The following ITPR1 variants were observed in gnomAD, a reference collection of about 807,000 sequenced individuals.
The protein encoded by ITPR1 is inositol 1,4,5-trisphosphate-gated calcium channel ITPR1.
ITPR1 carries 96 observed loss-of-function variants against 318.4 expected under a neutral mutation model. The ratio of observed to expected loss-of-function variants is 0.30; its 90% CI spans 0.26 to 0.36. The LOEUF (loss-of-function observed/expected upper bound fraction) is 0.36. ITPR1 is among the 10% of genes least tolerant of loss of function. ITPR1 has a pLI of 1.00. For missense variants in ITPR1, 2,440 were observed against 3,460.2 expected, an observed-to-expected ratio of 0.71 and a Z score of 7.40; for synonymous variants, 1,312 against 1,289.9, an observed-to-expected ratio of 1.02 and a Z score of -0.37.
intron 50 of ITPR1, among the ~76,000 whole-genome samples, chr3:4,783,454 A>G (rs2046965306): frequency 6.6e-6 from 1 of 152,036 alleles, no homozygotes; most frequent in Admixed American, 6.6e-5. Context: ...AGAATTTCAA[A>G]CAGTCTCCTG....
chr3:4,777,697 G>A (rs1256191029), intron 48 of ITPR1, among the ~76,000 whole-genome samples: 2 of 151,888 alleles, frequency 1.3e-5, no homozygotes, highest in Non-Finnish European at 2.9e-5. Flanking sequence ...GAGAAACAGT[G>A]GAAACGCCAT....
At position 4,521,107 on chromosome 3, in the gene ITPR1, C is replaced by T. The variant is rs530398155; in HGVS notation, c.163+13C>T. 1.4e-5 allele frequency: 23 copies of T among 1,602,154 alleles called. No homozygotes were observed. Among genetic ancestry groups the T allele is most frequent in the East Asian group, 6.7e-5 (3 of 44,800 alleles). On this transcript the variant is annotated intron_variant, in intron 4 of 61. Transcript: ENST00000649015. ...AAGAAATTCAGAGGTAAGGTGGTGG[C>T]TTTCCTGGAGTAGTCACCTTGACTC... is the stretch of plus-strand genomic sequence containing the variant.
At chr3:4,841,858 T>A (rs1325172593) in intron 61 of ITPR1, among the ~76,000 whole-genome samples, 1 of 152,222 alleles carries the variant, frequency 6.6e-6, no homozygotes, top group Non-Finnish European at 1.5e-5. Context: ...TAAATCAACA[T>A]ATTTGTATTC....
intron 4 of ITPR1, among the ~76,000 whole-genome samples, chr3:4,614,261 A>C (rs1004533985): frequency 6.6e-6 from 1 of 152,192 alleles, no homozygotes; most frequent in East Asian, 1.9e-4. Context: ...ACAAGACCTT[A>C]TCTTAAAAAA....
chr3:4,750,974 A>G (rs1035227408), intron 44 of ITPR1: 12 of 152,922 alleles, frequency 7.8e-5, no homozygotes, highest in African/African-American at 2.4e-4. Context: ...GACCTATCCT[A>G]GGAGTCTTCC....
At chr3:4,643,761 T>C (rs1480390251) in intron 7 of ITPR1, among the ~76,000 whole-genome samples, 1 of 152,168 alleles carries the variant, frequency 6.6e-6, no homozygotes, top group African/African-American at 2.4e-5. Flanking sequence ...AAACATAAAG[T>C]TATGGCTTTG....
chr3:4,762,211 C>T (rs546303323), intron 44 of ITPR1, among the ~76,000 whole-genome samples: 1 of 152,226 alleles, frequency 6.6e-6, no homozygotes, highest in African/African-American at 2.4e-5. Flanking sequence ...ACTATGTTGC[C>T]CAGGTAGGCC....
At chr3:4,511,209 C>G (rs903464908) in intron 2 of ITPR1, among the ~76,000 whole-genome samples, 2 of 152,218 alleles carry the variant, frequency 1.3e-5, no homozygotes, top group East Asian at 3.8e-4. Context: ...CGCTGAAGAG[C>G]AGCTCTGGCT....
intron 4 of ITPR1, among the ~76,000 whole-genome samples, chr3:4,611,561 A>AAAATAAAT (rs372628182): frequency 0.013 from 1,826 of 142,540 alleles, 33 homozygotes; most frequent in Admixed American, 0.052. Context: ...CTCTCTCTCA[A>AAAATAAAT]AAATAAATAA....
chr3:4,711,690 G>T (rs2041383683), intron 38 of ITPR1, 67 bp from the exon 39 acceptor site: 12 of 828,540 alleles, frequency 1.4e-5, no homozygotes, highest in Middle Eastern at 2.2e-4. Context: ...AAAATAAATT[G>T]CTTGTGAAGT....
intron 4 of ITPR1, among the ~76,000 whole-genome samples, chr3:4,564,414 A>C (rs9838623): frequency 6.6e-6 from 1 of 152,248 alleles, no homozygotes; most frequent in East Asian, 1.9e-4. Flanking sequence ...CCTTTTTATA[A>C]GAATCTAAGT....
chr3:4,644,595 T>C (rs373056085), intron 8 of ITPR1, among the ~76,000 whole-genome samples: 1 of 152,232 alleles, frequency 6.6e-6, no homozygotes, highest in East Asian at 1.9e-4. Flanking sequence ...TTTTTAACTG[T>C]TCAAAAAGGA....
At chr3:4,573,173 C>T (rs369867310) in intron 4 of ITPR1, among the ~76,000 whole-genome samples, 3 of 152,144 alleles carry the variant, frequency 2.0e-5, no homozygotes, top group African/African-American at 7.2e-5. Context: ...TACTGTTTTC[C>T]ATTACAGTTG....
chr3:4,618,048 G>A (rs924707774), intron 4 of ITPR1, among the ~76,000 whole-genome samples: 1 of 152,008 alleles, frequency 6.6e-6, no homozygotes, highest in African/African-American at 2.4e-5. Flanking sequence ...TCAAATATAG[G>A]GTGTTGAGGA....
intron 57 of ITPR1, among the ~76,000 whole-genome samples, chr3:4,813,524 T>G (rs2049077463): frequency 6.6e-6 from 1 of 152,120 alleles, no homozygotes; most frequent in African/African-American, 2.4e-5. Context: ...AAATGGTGAT[T>G]GCTAGAGAGT....
chr3:4,731,305 G>T (rs541137981), intron 42 of ITPR1, among the ~76,000 whole-genome samples: 6 of 152,080 alleles, frequency 3.9e-5, no homozygotes, highest in Non-Finnish European at 8.8e-5. Context: ...TCCAGAATGG[G>T]GTATTCCAAG....
At chr3:4,593,587 A>T (rs1257145912) in intron 4 of ITPR1, among the ~76,000 whole-genome samples, 3 of 152,240 alleles carry the variant, frequency 2.0e-5, no homozygotes, top group Admixed American at 6.5e-5. Flanking sequence ...TGATAATTAT[A>T]TGTGAAGTTC....
At chr3:4,539,797 GCCATGGGATA>G (rs774850392) in intron 4 of ITPR1, among the ~76,000 whole-genome samples, 4 of 152,078 alleles carry the variant, frequency 2.6e-5, no homozygotes, top group Non-Finnish European at 5.9e-5. Flanking sequence ...CAGCCCCATC[GCCATGGGATA>G]CCCTGTGCTG....
At chr3:4,741,444 A>T (rs2043695214) in intron 44 of ITPR1, among the ~76,000 whole-genome samples, 2 of 152,198 alleles carry the variant, frequency 1.3e-5, no homozygotes, top group South Asian at 4.1e-4. Flanking sequence ...GCACGTAAGC[A>T]GCTAGAGATG....
Sources: gnomAD v4.1 joint callset for allele counts (sites outside exome capture counted in the v4.1 genomes callset) on GRCh38, gnomAD v4.1.1 for gene constraint, MANE v1.5 for transcripts, NCBI Gene and HGNC (gene_info 2026-07-23, HGNC 2026-07-21) for gene names.